NUP205: variants seen among roughly 807,000 people sequenced by gnomAD.
NUP205 encodes nucleoporin 205.
A neutral mutation model predicts 253.8 loss-of-function variants in NUP205; 76 were observed. The observed-to-expected ratio is 0.30, with a 90% CI of 0.25 to 0.36. The LOEUF (loss-of-function observed/expected upper bound fraction) is 0.36. Among genes scored for constraint, NUP205 ranks in the 10% least tolerant of loss-of-function variants. The probability of loss-of-function intolerance (pLI) is 1.00; values close to 1 mark genes in which losing one functional copy is unlikely to be tolerated. For synonymous variants in NUP205, 832 were observed against 850.1 expected, an observed-to-expected ratio of 0.98 and a Z score of 0.37; for missense variants, 2,162 against 2,425.5, an observed-to-expected ratio of 0.89 and a Z score of 2.28.
chr7:135,609,620 C>T (rs528293673), intron 22 of NUP205, among the ~76,000 whole-genome samples: 203 of 152,096 alleles, frequency 1.3e-3, no homozygotes, highest in African/African-American at 4.7e-3. Context: ...TGCACTCCAG[C>T]CTGGGCAACA....
chr7:135,611,905 G>A (rs545411979), intron 22 of NUP205, among the ~76,000 whole-genome samples: 2 of 152,234 alleles, frequency 1.3e-5, no homozygotes, highest in East Asian at 3.9e-4. Context: ...ATGAGGTCAG[G>A]AGATCAAGAC....
chr7:135,619,400 C>T (rs372756122), intron 28 of NUP205, 23 bp from the exon 29 acceptor site: 1 of 1,595,478 alleles, frequency 6.3e-7, no homozygotes. Flanking sequence ...GATTCTCACT[C>T]TAATTTGCCC....
In NUP205 at chr7:135,638,608, C is replaced by T. The variant is rs763953159; in HGVS notation, c.5317C>T (p.Pro1773Ser). The T allele has an allele frequency of 5.6e-6, 9 of 1,613,760 alleles. No homozygotes were observed. The East Asian group carries it at 1.8e-4, about 32-fold the overall frequency. ...YCQSLMLQSSPTFQHAVCLFT... is the reference protein window; with the variant it reads ...YCQSLMLQSSSTFQHAVCLFT... ...CCAGTCACTCATGTTACAGAGTTCC[C>T]CTACCTTCCAGCATGCTGTGTGTCT... The change falls in exon 38 of 43, where the codon CCT (proline) becomes TCT (serine). Residue 1773 changes from proline to serine, a missense_variant. Physicochemically the swap from Pro to Ser is moderately conservative, Grantham distance 74. Coordinates refer to ENST00000285968, the MANE Select transcript of NUP205 (RefSeq NM_015135.3).
At chr7:135,602,775 G>C in intron 17 of NUP205, 30 bp from the exon 18 acceptor site, 1 of 1,548,844 alleles carries the variant, frequency 6.5e-7, no homozygotes, top group Non-Finnish European at 8.8e-7. Flanking sequence ...GATAAATTTA[G>C]AACTTTCTAA....
At position 135,630,408 on chromosome 7, in the gene NUP205, G is replaced by T; in HGVS notation, c.4997G>T (p.Ser1666Ile). 1.2e-6 allele frequency: 2 copies of T among 1,611,084 alleles called. No individual in the cohort carries two copies. The highest frequency in any genetic ancestry group is 1.1e-5 in the South Asian group (1 of 90,852). ...GCAATTCTGCGCTGTCAGGATGTTA[G>T]TGCTGGGTCTTTGCAGGAATTGGCT... ...IQAILRCQDV[S>I]AGSLQELALL... Residue 1666 changes from serine (S) to isoleucine (I), a missense_variant, in exon 35 of 43, where the codon AGT becomes ATT. Coordinates refer to ENST00000285968, the MANE Select transcript of NUP205 (RefSeq NM_015135.3).
chr7:135,595,376 A>C (rs1159058692), intron 13 of NUP205, among the ~76,000 whole-genome samples: 3 of 151,968 alleles, frequency 2.0e-5, no homozygotes, highest in Non-Finnish European at 2.9e-5. Flanking sequence ...GGCTTGCATT[A>C]CCACGCCCAG....
In NUP205 at chr7:135,644,976, A is replaced by G; in HGVS notation, c.5641A>G (p.Lys1881Glu). 2 of 1,614,144 alleles carry G rather than the reference A, an allele frequency of 1.2e-6. No homozygotes were observed. The highest frequency in any genetic ancestry group is 8.5e-7 in the Non-Finnish European group (1 of 1,180,002). The change falls in exon 40 of 43, where the codon AAG (lysine) becomes GAG (glutamate). Residue 1881 changes from lysine (K) to glutamate (E), a missense_variant. Transcript: ENST00000285968. ...TGTTCTAGCAAGACGGCGCTTGGTGAAGGTGATCAACAATCGAGCTAAACT... is the reference window on the plus strand; with the variant it reads ...TGTTCTAGCAAGACGGCGCTTGGTGGAGGTGATCAACAATCGAGCTAAACT... The part of the protein sequence containing the change: ...KYVLARRRLV[K>E]VINNRAKLLS...
At chr7:135,605,734 A>AAATGGGTG (rs2129490687) in intron 19 of NUP205, among the ~76,000 whole-genome samples, 1 of 152,364 alleles carries the variant, frequency 6.6e-6, no homozygotes, top group East Asian at 1.9e-4. Context: ...CAGAAATAGA[A>AAATGGGTG]AATGGGTGAT....
intron 42 of NUP205, among the ~76,000 whole-genome samples, chr7:135,646,712 G>A (rs1176840007): frequency 6.6e-6 from 1 of 152,200 alleles, no homozygotes; most frequent in Non-Finnish European, 1.5e-5. Flanking sequence ...TTGAACTCTA[G>A]CTTGACCATT....
At chr7:135,591,651 T>G in intron 11 of NUP205, 51 bp downstream of exon 11, 1 of 1,520,964 alleles carries the variant, frequency 6.6e-7, no homozygotes, top group Middle Eastern at 1.7e-4. Flanking sequence ...TCTTTTAAGT[T>G]CAGTATCCCA....
chr7:135,639,031 G>A (rs1431222561), intron 38 of NUP205, among the ~76,000 whole-genome samples: 3 of 152,148 alleles, frequency 2.0e-5, no homozygotes, highest in African/African-American at 7.2e-5. Context: ...GCTGAATTCA[G>A]TGTCTAAACT....
intron 12 of NUP205, among the ~76,000 whole-genome samples, chr7:135,594,133 A>G (rs565951710): frequency 2.0e-5 from 3 of 152,288 alleles, no homozygotes; most frequent in Admixed American, 6.5e-5. Flanking sequence ...AAATGTTGTG[A>G]TACTTGATAC....
intron 13 of NUP205, among the ~76,000 whole-genome samples, chr7:135,595,229 T>A (rs906384897): frequency 6.6e-6 from 1 of 152,070 alleles, no homozygotes; most frequent in Non-Finnish European, 1.5e-5. Flanking sequence ...ATTTTTGTTT[T>A]TTTTTTTTAA....
At position 135,618,687 on chromosome 7, in the gene NUP205, A is replaced by G. The variant is rs1794409401; in HGVS notation, c.3963+84A>G. On this transcript the variant is annotated intron_variant, in intron 28 of 42. Transcript: ENST00000285968. Reference sequence around the variant, plus strand: ...TATTTTGGCATCCTAATTGTTTTCCATTTTCGATTGGGAGTAAAATAGAAT... The same window carrying G: ...TATTTTGGCATCCTAATTGTTTTCCGTTTTCGATTGGGAGTAAAATAGAAT... The G allele has an allele frequency of 2.5e-6, 3 of 1,202,906 alleles. No homozygotes were observed. In the South Asian group the frequency reaches 4.4e-5, roughly 18 times the overall value. The allele number at this position is 1,202,906 out of a possible 1,614,324, so 74.5% of individuals were successfully genotyped here.
intron 15 of NUP205, among the ~76,000 whole-genome samples, chr7:135,599,191 A>T (rs1793911737): frequency 1.3e-5 from 2 of 152,046 alleles, no homozygotes; most frequent in African/African-American, 4.8e-5. Flanking sequence ...CTTTTTTGTC[A>T]CTTAGCATCA....
rs1563119249 is a variant in NUP205 at position 135,591,493 on chromosome 7, C to T, written c.1517C>T (p.Pro506Leu). ...KFVRQMGDLL[P>L]PTIYIPYLKM... The stretch of plus-strand genomic sequence containing the variant: ...GTTAGGCAAATGGGTGACCTGTTGC[C>T]TCCAACTATTTATATTCCTTATTTG... Residue 506 changes from proline to leucine, a missense_variant, in exon 11 of 43, where the codon CCT (proline) becomes CTT (leucine). Around this residue, in one of 5 missense-constraint regions of NUP205, gnomAD observed 892 missense variants for 957.1 expected, o/e 0.93. Transcript: ENST00000285968. 16 of 1,613,972 alleles carry T rather than the reference C, an allele frequency of 9.9e-6. No individual in the cohort carries two copies. The highest frequency in any genetic ancestry group is 1.4e-5 in the Non-Finnish European group (16 of 1,179,896).
chr7:135,584,807 A>G (rs764894904), intron 7 of NUP205, 25 bp from the exon 8 acceptor site: 13 of 1,607,742 alleles, frequency 8.1e-6, no homozygotes, highest in East Asian at 2.2e-5. Flanking sequence ...TCCTCCATGT[A>G]CTGTGTTTTA....
intron 41 of NUP205, 150 bp from the exon 42 acceptor site, chr7:135,646,008 T>C: frequency 1.6e-6 from 1 of 628,094 alleles, no homozygotes; most frequent in Non-Finnish European, 2.8e-6. Context: ...TTCTAGGGGC[T>C]TCCATTTGCT....
At chr7:135,586,138 A>ACATTTG (rs11281443) in intron 8 of NUP205, among the ~76,000 whole-genome samples, 59,738 of 151,572 alleles carry the variant, frequency 0.39, 12,241 homozygotes, top group Middle Eastern at 0.57. Context: ...TACAGTTTTT[A>ACATTTG]AAAGCACCCT....
Sources: gnomAD v4.1 joint callset for allele counts (sites outside exome capture counted in the v4.1 genomes callset) on GRCh38, gnomAD v4.1.1 for gene constraint, gnomAD v4.1.1 regional missense constraint, MANE v1.5 for transcripts, NCBI Gene and HGNC (gene_info 2026-07-23, HGNC 2026-07-21) for gene names.